Variants in ARHGAP15 observed in about 807,000 individuals in gnomAD.
ARHGAP15 encodes rho GTPase-activating protein 15.
A neutral mutation model predicts 63.7 loss-of-function variants in ARHGAP15; 51 were observed. That is an observed-to-expected ratio of 0.80 (90% confidence interval 0.64 to 1.01). The LOEUF (loss-of-function observed/expected upper bound fraction) is 1.01, where lower values mean the gene tolerates loss of function less well. Among genes scored for constraint, ARHGAP15 ranks in the 50% least tolerant of loss-of-function variants. The pLI, the probability that ARHGAP15 is intolerant of heterozygous loss-of-function variation, is 0.00. For missense variants in ARHGAP15, 560 were observed against 564.6 expected (o/e 0.99, Z 0.08); for synonymous variants, 191 against 193.8 (o/e 0.99, Z 0.12).
At chr2:143,568,821 T>C (rs1046798724) in intron 11 of ARHGAP15, among the ~76,000 whole-genome samples, 4 of 152,314 alleles carry the variant, frequency 2.6e-5, no homozygotes. Context: ...CACCATGGAA[T>C]ACTATGCAGC....
In ARHGAP15 at chr2:143,267,791, T is replaced by C. The variant is rs139686994; in HGVS notation, c.474+17191T>C. Among the ~76,000 whole-genome samples, 569 of 152,332 alleles carry C rather than the reference T, an allele frequency of 3.7e-3. 5 individuals are homozygous for C. Among genetic ancestry groups the C allele is most frequent in the African/African-American group, 0.012 (495 of 41,584 alleles). On this transcript the variant is annotated intron_variant, in intron 6 of 13. Coordinates refer to ENST00000295095, the MANE Select transcript of ARHGAP15 (RefSeq NM_018460.4). Reference sequence around the variant, plus strand: ...TGGGAAATGCTCTGCTGAGAAGATATGCTGTTGAGTATCTTTGTTATTGGA... The same window carrying C: ...TGGGAAATGCTCTGCTGAGAAGATACGCTGTTGAGTATCTTTGTTATTGGA...
intron 13 of ARHGAP15, among the ~76,000 whole-genome samples, chr2:143,713,209 C>T (rs1684662648): frequency 6.6e-6 from 1 of 152,106 alleles, no homozygotes; most frequent in Non-Finnish European, 1.5e-5. Context: ...GGAGAGACCT[C>T]AGAATCATGG....
chr2:143,352,943 A>T (rs1289664370), intron 6 of ARHGAP15, among the ~76,000 whole-genome samples: 1 of 152,186 alleles, frequency 6.6e-6, no homozygotes, highest in Admixed American at 6.5e-5. Flanking sequence ...TCATTATCAA[A>T]ACCATTATTT....
intron 6 of ARHGAP15, among the ~76,000 whole-genome samples, chr2:143,318,125 A>G (rs1384023998): frequency 6.6e-6 from 1 of 151,672 alleles, no homozygotes; most frequent in African/African-American, 2.4e-5. Context: ...CAGCCTCTCG[A>G]GTAGCTGGGA....
At chr2:143,249,173 C>T (rs7563907) in intron 5 of ARHGAP15, among the ~76,000 whole-genome samples, 25,719 of 151,966 alleles carry the variant, frequency 0.17, 2,344 homozygotes, top group Middle Eastern at 0.25. Flanking sequence ...TGATGGGTTT[C>T]TCCTGAGGTT....
At chr2:143,540,757 G>T (rs1479433216) in intron 10 of ARHGAP15, among the ~76,000 whole-genome samples, 1 of 152,200 alleles carries the variant, frequency 6.6e-6, no homozygotes, top group Admixed American at 6.5e-5. Context: ...CTGTTAGTCT[G>T]ATGGGCTTCC....
At chr2:143,487,526 T>C (rs767973758) in intron 9 of ARHGAP15, 31 bp downstream of exon 9, 7 of 1,595,268 alleles carry the variant, frequency 4.4e-6, no homozygotes, top group Non-Finnish European at 6.0e-6. Context: ...GTACTATAAC[T>C]GTGATAAATG....
intron 12 of ARHGAP15, among the ~76,000 whole-genome samples, chr2:143,631,981 T>G (rs151271691): frequency 6.6e-6 from 1 of 152,076 alleles, no homozygotes; most frequent in Non-Finnish European, 1.5e-5. Context: ...TATTCTGCCT[T>G]AAGGTGTCTA....
intron 11 of ARHGAP15, among the ~76,000 whole-genome samples, chr2:143,591,009 TC>T (rs1697299868): frequency 6.6e-6 from 1 of 152,200 alleles, no homozygotes; most frequent in Non-Finnish European, 1.5e-5. Flanking sequence ...ACACAGATTT[TC>T]TTTTTATCAT....
intron 6 of ARHGAP15, among the ~76,000 whole-genome samples, chr2:143,420,425 G>A (rs1455543179): frequency 6.6e-6 from 1 of 152,176 alleles, no homozygotes; most frequent in Admixed American, 6.5e-5. Context: ...AAGTACACCA[G>A]CTCTGTTTCA....
chr2:143,397,056 AT>A (rs1302937338), intron 6 of ARHGAP15, among the ~76,000 whole-genome samples: 2 of 151,994 alleles, frequency 1.3e-5, no homozygotes, highest in African/African-American at 2.4e-5. Flanking sequence ...TTATTTCCTA[AT>A]TTTTCAGTGC....
chr2:143,509,083 G>A (rs780614316), intron 9 of ARHGAP15, among the ~76,000 whole-genome samples: 3 of 152,172 alleles, frequency 2.0e-5, no homozygotes, highest in Admixed American at 6.5e-5. Context: ...TCATTTGAAA[G>A]CTGCAGCAAC....
chr2:143,456,132 A>G (rs538622556), intron 8 of ARHGAP15, among the ~76,000 whole-genome samples: 7 of 152,094 alleles, frequency 4.6e-5, no homozygotes, highest in African/African-American at 1.7e-4. Context: ...CATTTGGCTT[A>G]TGCAAAATTT....
At chr2:143,356,355 A>C (rs1685810275) in intron 6 of ARHGAP15, among the ~76,000 whole-genome samples, 1 of 152,166 alleles carries the variant, frequency 6.6e-6, no homozygotes, top group African/African-American at 2.4e-5. Flanking sequence ...AAGATGAATT[A>C]ATATAGGTAC....
At chr2:143,668,023 T>C (rs1682317980) in intron 12 of ARHGAP15, among the ~76,000 whole-genome samples, 2 of 151,562 alleles carry the variant, frequency 1.3e-5, no homozygotes, top group African/African-American at 2.4e-5. Flanking sequence ...TTTTTAAAAA[T>C]ACATATTTTT....
intron 6 of ARHGAP15, among the ~76,000 whole-genome samples, chr2:143,336,026 G>T (rs1684756556): frequency 6.6e-6 from 1 of 151,936 alleles, no homozygotes; most frequent in Non-Finnish European, 1.5e-5. Context: ...TTGAGACACG[G>T]TTCTCACCAT....
chr2:143,185,589 T>C (rs10496941), intron 2 of ARHGAP15, among the ~76,000 whole-genome samples: 25,388 of 152,080 alleles, frequency 0.17, 2,288 homozygotes, highest in Middle Eastern at 0.24. Context: ...TGTTTGAGGG[T>C]GGTCAAAATA....
intron 6 of ARHGAP15, among the ~76,000 whole-genome samples, chr2:143,331,646 TC>T (rs1489783416): frequency 4.6e-5 from 7 of 152,240 alleles, no homozygotes; most frequent in African/African-American, 1.7e-4. Context: ...TATATCTCTT[TC>T]CAAAAGAAAT....
intron 10 of ARHGAP15, among the ~76,000 whole-genome samples, chr2:143,548,734 CAA>C (rs1695433716): frequency 6.6e-6 from 1 of 150,922 alleles, no homozygotes; most frequent in African/African-American, 2.4e-5. Flanking sequence ...CAAAAGCAAA[CAA>C]AATAATAAAG....
Sources: gnomAD v4.1 joint callset for allele counts (sites outside exome capture counted in the v4.1 genomes callset) on GRCh38, gnomAD v4.1.1 for gene constraint, MANE v1.5 for transcripts, NCBI Gene and HGNC (gene_info 2026-07-23, HGNC 2026-07-21) for gene names.